The following PDE1A variants were observed in gnomAD, a reference collection of about 807,000 sequenced individuals.
PDE1A encodes the protein phosphodiesterase 1A.
In PDE1A, 35 loss-of-function variants were observed where a neutral mutation model predicts 61.7. The ratio of observed to expected loss-of-function variants is 0.57; its 90% CI spans 0.43 to 0.75. The LOEUF (loss-of-function observed/expected upper bound fraction) is 0.75, where lower values mean the gene tolerates loss of function less well. Among genes scored for constraint, PDE1A ranks in the 30% least tolerant of loss-of-function variants. PDE1A has a pLI of 0.00. For synonymous variants in PDE1A, 232 were observed against 213.2 expected (o/e 1.09, Z -0.77); for missense variants, 597 against 630.6 (o/e 0.95, Z 0.57).
intron 2 of PDE1A, among the ~76,000 whole-genome samples, chr2:182,501,174 A>G (rs1689063853): frequency 6.6e-6 from 1 of 152,236 alleles, no homozygotes; most frequent in Non-Finnish European, 1.5e-5. Context: ...AACGACCCTT[A>G]TATAGTGACA....
intron 1 of PDE1A, among the ~76,000 whole-genome samples, chr2:182,372,109 C>T (rs981625954): frequency 2.0e-5 from 3 of 152,114 alleles, no homozygotes; most frequent in East Asian, 1.9e-4. Flanking sequence ...TTTTTATTAC[C>T]GTTAATTGGC....
the PDE1A span, among the ~76,000 whole-genome samples, chr2:182,700,443 G>A: frequency 1.3e-5 from 2 of 152,030 alleles, no homozygotes; most frequent in African/African-American, 4.8e-5. Context: ...CTGGGTGATG[G>A]TGGGGCGCAG....
the PDE1A span, among the ~76,000 whole-genome samples, chr2:182,546,453 CT>C: frequency 6.6e-6 from 1 of 152,106 alleles, no homozygotes; most frequent in Non-Finnish European, 1.5e-5. Context: ...TGGATACCCC[CT>C]ATCAGAGGGC....
the PDE1A span, among the ~76,000 whole-genome samples, chr2:182,603,602 G>A: frequency 1.3e-5 from 2 of 152,158 alleles, no homozygotes; most frequent in African/African-American, 4.8e-5. Context: ...CGCCCACCTC[G>A]GCCTCCCAAA....
chr2:182,445,789 T>C (rs1317121452), intron 2 of PDE1A, among the ~76,000 whole-genome samples: 1 of 152,102 alleles, frequency 6.6e-6, no homozygotes, highest in Non-Finnish European at 1.5e-5. Flanking sequence ...ACTTGGGCTG[T>C]TTTAAAGATT....
At chr2:182,452,375 G>A (rs1685586966) in intron 2 of PDE1A, among the ~76,000 whole-genome samples, 1 of 152,096 alleles carries the variant, frequency 6.6e-6, no homozygotes, top group Non-Finnish European at 1.5e-5. Flanking sequence ...TCATGTGTGT[G>A]TTTATGTGCA....
At chr2:182,619,702 T>C in the PDE1A span, among the ~76,000 whole-genome samples, 5 of 152,322 alleles carry the variant, frequency 3.3e-5, no homozygotes, top group East Asian at 9.6e-4. Flanking sequence ...TTATTAGACA[T>C]GCAAGTTCAG....
At chr2:182,333,147 C>T (rs1697537433) in intron 1 of PDE1A, among the ~76,000 whole-genome samples, 1 of 152,134 alleles carries the variant, frequency 6.6e-6, no homozygotes, top group African/African-American at 2.4e-5. Context: ...TTTAACACTC[C>T]ACTGTCAATA....
At chr2:182,412,005 C>T (rs1439798349) in intron 1 of PDE1A, among the ~76,000 whole-genome samples, 1 of 151,102 alleles carries the variant, frequency 6.6e-6, no homozygotes, top group African/African-American at 2.4e-5. Flanking sequence ...TTGCAGTGAG[C>T]CAACACCGCA....
the PDE1A span, among the ~76,000 whole-genome samples, chr2:182,570,658 C>T: frequency 3.3e-5 from 5 of 152,054 alleles, no homozygotes; most frequent in Non-Finnish European, 7.4e-5. Flanking sequence ...GGTCAGTGTT[C>T]AATATGATCA....
the PDE1A span, among the ~76,000 whole-genome samples, chr2:182,672,667 C>A: frequency 3.3e-5 from 5 of 152,182 alleles, no homozygotes; most frequent in Admixed American, 2.0e-4. Context: ...GCACATTGAC[C>A]AGCCGTTAGT....
At chr2:182,522,462 T>TA in intron 1 of PDE1A, 1 of 1,588,490 alleles carries the variant, frequency 6.3e-7, no homozygotes, top group South Asian at 1.1e-5. Context: ...CTTACACACT[T>TA]ATACAGTAGC....
intron 2 of PDE1A, among the ~76,000 whole-genome samples, chr2:182,497,800 T>A (rs1466969217): frequency 6.6e-6 from 1 of 151,698 alleles, no homozygotes; most frequent in Non-Finnish European, 1.5e-5. Flanking sequence ...CCCAGCACTT[T>A]GGGAGGCCGA....
chr2:182,156,707 T>C (rs1406606172), intron 13 of PDE1A, among the ~76,000 whole-genome samples: 1 of 152,186 alleles, frequency 6.6e-6, no homozygotes, highest in Non-Finnish European at 1.5e-5. Flanking sequence ...TTTACTACTA[T>C]TCTCTGTGAT....
the PDE1A span, among the ~76,000 whole-genome samples, chr2:182,532,047 G>A: frequency 2.0e-5 from 3 of 152,032 alleles, no homozygotes; most frequent in Admixed American, 6.6e-5. Context: ...TTTTGTGGCT[G>A]CAGTAAAAAG....
chr2:182,688,364 G>T, the PDE1A span, among the ~76,000 whole-genome samples: 1 of 152,110 alleles, frequency 6.6e-6, no homozygotes, highest in Non-Finnish European at 1.5e-5. Flanking sequence ...AAAGAGTGGG[G>T]GCCAATATAC....
At chr2:182,600,224 T>C in the PDE1A span, among the ~76,000 whole-genome samples, 164 of 152,362 alleles carry the variant, frequency 1.1e-3, no homozygotes, top group Admixed American at 3.2e-3. Flanking sequence ...ATCAACGCAT[T>C]TCTCTTTCTG....
At chr2:182,470,742 G>A (rs1686975433) in intron 2 of PDE1A, among the ~76,000 whole-genome samples, 2 of 151,660 alleles carry the variant, frequency 1.3e-5, no homozygotes, top group Non-Finnish European at 2.9e-5. Flanking sequence ...ACTGTTCATG[G>A]GACAGCAAAT....
At chr2:182,600,954 G>T in the PDE1A span, among the ~76,000 whole-genome samples, 110 of 152,298 alleles carry the variant, frequency 7.2e-4, 1 homozygote, top group African/African-American at 2.4e-3. Context: ...CTTTGTGGCT[G>T]CTATCATGTT....
Sources: allele counts gnomAD v4.1 joint callset (sites outside exome capture counted in the v4.1 genomes callset), GRCh38; gene constraint gnomAD v4.1.1; transcripts MANE v1.5; gene names NCBI Gene and HGNC (gene_info 2026-07-23, HGNC 2026-07-21).